GRM7: variants seen among roughly 807,000 people sequenced by gnomAD.
The protein encoded by GRM7 is metabotropic glutamate receptor 7.
Under a neutral mutation model 84.5 loss-of-function variants are expected in GRM7, and 35 were observed. The observed-to-expected ratio is 0.41, with a 90% CI of 0.32 to 0.55. The LOEUF is 0.55. Ranked by LOEUF, GRM7 falls within the 20% of genes least tolerant of loss-of-function variation. The pLI is 0.19. For synonymous variants in GRM7, 487 were observed against 455.1 expected, an observed-to-expected ratio of 1.07 and a Z score of -0.89; for missense variants, 1,003 against 1,194.6, an observed-to-expected ratio of 0.84 and a Z score of 2.36.
intron 5 of GRM7, among the ~76,000 whole-genome samples, chr3:7,420,408 A>G (rs965665708): frequency 6.6e-6 from 1 of 152,184 alleles, no homozygotes; most frequent in African/African-American, 2.4e-5. Flanking sequence ...TGTTATAGAT[A>G]AATAGTGTCT....
intron 4 of GRM7, among the ~76,000 whole-genome samples, chr3:7,325,796 C>T (rs952388316): frequency 1.3e-5 from 2 of 152,092 alleles, no homozygotes; most frequent in East Asian, 1.9e-4. Flanking sequence ...TACTTTTATT[C>T]TTCCAATTGA....
At chr3:7,194,763 G>A (rs557751462) in intron 2 of GRM7, among the ~76,000 whole-genome samples, 5 of 152,258 alleles carry the variant, frequency 3.3e-5, no homozygotes, top group East Asian at 1.9e-4. Context: ...GTCTTACAGC[G>A]TTGTTGTAAG....
At chr3:7,702,710 T>C (rs1455411578) in intron 9 of GRM7, among the ~76,000 whole-genome samples, 1 of 152,236 alleles carries the variant, frequency 6.6e-6, no homozygotes, top group African/African-American at 2.4e-5. Flanking sequence ...ATTTGCACTG[T>C]CATATATACT....
chr3:7,387,028 A>C, intron 4 of GRM7, among the ~76,000 whole-genome samples: 1 of 152,054 alleles, frequency 6.6e-6, no homozygotes, highest in African/African-American at 2.4e-5. Flanking sequence ...ACTGATTTTG[A>C]GCATTTTTTA....
chr3:7,304,121 A>C (rs1376242684), intron 3 of GRM7, among the ~76,000 whole-genome samples: 1 of 152,106 alleles, frequency 6.6e-6, no homozygotes, highest in South Asian at 2.1e-4. Context: ...GTTGTGACTA[A>C]TGAGTTGCAG....
chr3:7,217,797 G>A (rs1230539096), intron 2 of GRM7, among the ~76,000 whole-genome samples: 1 of 150,538 alleles, frequency 6.6e-6, no homozygotes, highest in East Asian at 1.9e-4. Context: ...ATTGACATAG[G>A]GATATGGATA....
chr3:7,642,523 G>T (rs147291551), intron 8 of GRM7, among the ~76,000 whole-genome samples: 350 of 152,174 alleles, frequency 2.3e-3, no homozygotes, highest in African/African-American at 7.8e-3. Flanking sequence ...CATTGCTTTT[G>T]TAAAAGACAT....
chr3:7,471,868 A>G (rs1299919673), intron 7 of GRM7, among the ~76,000 whole-genome samples: 4 of 152,172 alleles, frequency 2.6e-5, no homozygotes, highest in Admixed American at 1.3e-4. Flanking sequence ...TTAAATTCCC[A>G]TTATTCTTAA....
chr3:7,528,492 T>A (rs1187816289), intron 7 of GRM7, among the ~76,000 whole-genome samples: 2 of 152,058 alleles, frequency 1.3e-5, no homozygotes, highest in African/African-American at 4.8e-5. Context: ...TGATCCTATG[T>A]ATGATTTTTG....
intron 1 of GRM7, among the ~76,000 whole-genome samples, chr3:6,990,205 A>AT (rs779537290): frequency 7.9e-5 from 12 of 151,820 alleles, no homozygotes; most frequent in Non-Finnish European, 1.6e-4. Flanking sequence ...TATGATAGCT[A>AT]TTTTTTCCCA....
intron 5 of GRM7, among the ~76,000 whole-genome samples, chr3:7,432,639 A>C (rs1339050784): frequency 6.6e-6 from 1 of 152,074 alleles, no homozygotes; most frequent in Non-Finnish European, 1.5e-5. Context: ...TAGTTTAAAA[A>C]AAAAAAAAAT....
intron 2 of GRM7, among the ~76,000 whole-genome samples, chr3:7,255,494 G>A (rs538565946): frequency 6.6e-6 from 1 of 152,324 alleles, no homozygotes; most frequent in Non-Finnish European, 1.5e-5. Context: ...TAAAGCTGAT[G>A]TGTTACAAAA....
chr3:7,269,414 T>C (rs1698770181), intron 2 of GRM7, among the ~76,000 whole-genome samples: 1 of 145,700 alleles, frequency 6.9e-6, no homozygotes, highest in African/African-American at 2.6e-5. Flanking sequence ...TAGAATTGCC[T>C]GGAGAGGTTT....
chr3:7,351,169 A>G lies in GRM7; in HGVS notation c.1033+44517A>G, dbSNP rs141491035. 2.4e-3 allele frequency among the ~76,000 whole-genome samples: 364 copies of G among 152,060 alleles called. 2 individuals carry two copies. The highest frequency in any genetic ancestry group is 3.2e-3 in the Non-Finnish European group (217 of 67,968). On this transcript the variant is annotated intron_variant, in intron 4 of 9. Coordinates refer to ENST00000357716, the MANE Select transcript of GRM7 (RefSeq NM_000844.4). ...TAATGCAAACAGGTTCTTTGTTCCC[A>G]TCAGACAAAAGTGATGTGCCCTATA...
At chr3:7,077,763 G>A (rs1698144979) in intron 1 of GRM7, among the ~76,000 whole-genome samples, 2 of 152,040 alleles carry the variant, frequency 1.3e-5, no homozygotes, top group South Asian at 4.2e-4. Context: ...AGAAAATTGT[G>A]TTATAAAAGT....
intron 1 of GRM7, among the ~76,000 whole-genome samples, chr3:6,889,559 G>A (rs1412573063): frequency 6.6e-6 from 1 of 152,110 alleles, no homozygotes; most frequent in Non-Finnish European, 1.5e-5. Context: ...TATTGAACCA[G>A]CCTTGCATCC....
At chr3:7,023,423 C>T (rs577887119) in intron 1 of GRM7, among the ~76,000 whole-genome samples, 104 of 152,118 alleles carry the variant, frequency 6.8e-4, no homozygotes, top group Non-Finnish European at 1.3e-3. Context: ...TAGGGCCTTT[C>T]GATTTTCAAA....
chr3:7,063,557 C>A (rs753928174), intron 1 of GRM7, among the ~76,000 whole-genome samples: 3 of 151,700 alleles, frequency 2.0e-5, no homozygotes, highest in Non-Finnish European at 4.4e-5. Context: ...CATTTTCTTG[C>A]CCAAGAATTT....
At chr3:7,206,594 T>C (rs888918488) in intron 2 of GRM7, among the ~76,000 whole-genome samples, 3 of 152,150 alleles carry the variant, frequency 2.0e-5, no homozygotes, top group African/African-American at 7.2e-5. Context: ...TGTATCATCT[T>C]GGACCAGGAA....
Sources: allele counts gnomAD v4.1 joint callset (sites outside exome capture counted in the v4.1 genomes callset), GRCh38; gene constraint gnomAD v4.1.1; transcripts MANE v1.5; gene names NCBI Gene and HGNC (gene_info 2026-07-23, HGNC 2026-07-21).